The following SYN3 variants were observed in gnomAD, a reference collection of about 807,000 sequenced individuals.
The protein encoded by SYN3 is synapsin-3.
A neutral mutation model predicts 65.8 loss-of-function variants in SYN3; 35 were observed. The observed-to-expected ratio is 0.53, with a 90% CI of 0.41 to 0.70. The LOEUF is 0.70. Ranked by LOEUF, SYN3 falls within the 30% of genes least tolerant of loss-of-function variation. The pLI, the probability that SYN3 is intolerant of heterozygous loss-of-function variation, is 0.00. For synonymous variants in SYN3, 270 were observed against 292.9 expected, an observed-to-expected ratio of 0.92 and a Z score of 0.80; for missense variants, 680 against 749.0, an observed-to-expected ratio of 0.91 and a Z score of 1.08.
intron 6 of SYN3, among the ~76,000 whole-genome samples, chr22:32,650,259 C>CTCTCTCTT (rs2060048573): frequency 1.2e-5 from 1 of 82,952 alleles, no homozygotes; most frequent in Non-Finnish European, 2.1e-5. Flanking sequence ...CCCTCCCTCC[C>CTCTCTCTT]TCTCTCTCTC....
intron 4 of SYN3, 31 bp downstream of exon 4, chr22:32,931,359 A>C (rs761801056): frequency 6.8e-7 from 1 of 1,470,014 alleles, no homozygotes; most frequent in East Asian, 2.3e-5. Context: ...TGCAATTCTC[A>C]GAAGGTTCTG....
intron 4 of SYN3, among the ~76,000 whole-genome samples, chr22:32,904,286 G>C (rs2049842175): frequency 6.6e-6 from 1 of 152,218 alleles, no homozygotes; most frequent in South Asian, 2.1e-4. Context: ...CTGCAATATG[G>C]CTCTGCGAGG....
chr22:32,940,742 T>C (rs751449107), intron 3 of SYN3, among the ~76,000 whole-genome samples: 31 of 152,226 alleles, frequency 2.0e-4, no homozygotes, highest in Admixed American at 4.6e-4. Context: ...CTGTTTCAAG[T>C]TGTCACAATT....
intron 4 of SYN3, among the ~76,000 whole-genome samples, chr22:32,877,458 C>T (rs2146394828): frequency 6.6e-6 from 1 of 152,308 alleles, no homozygotes; most frequent in African/African-American, 2.4e-5. Context: ...GCACTGTGGA[C>T]ATTTTCAGGC....
At chr22:32,715,199 T>C (rs2061020417) in intron 6 of SYN3, among the ~76,000 whole-genome samples, 1 of 152,246 alleles carries the variant, frequency 6.6e-6, no homozygotes, top group Admixed American at 6.5e-5. Context: ...ACTATCACCC[T>C]GGCCAAGTCC....
chr22:32,633,500 C>T (rs992124907), intron 6 of SYN3, among the ~76,000 whole-genome samples: 5 of 152,272 alleles, frequency 3.3e-5, no homozygotes, highest in African/African-American at 4.8e-5. Context: ...GTTGGTCCTA[C>T]GTGCGTAGGC....
At chr22:33,026,536 C>T (rs1941775923) in intron 1 of SYN3, among the ~76,000 whole-genome samples, 1 of 152,178 alleles carries the variant, frequency 6.6e-6, no homozygotes, top group Non-Finnish European at 1.5e-5. Flanking sequence ...AATACAGTAT[C>T]TGACTGAACC....
intron 2 of SYN3, among the ~76,000 whole-genome samples, chr22:32,993,751 C>T (rs920197664): frequency 3.3e-5 from 5 of 152,180 alleles, no homozygotes; most frequent in Admixed American, 6.5e-5. Context: ...GGGGGCCATG[C>T]TCCTAGGCCA....
chr22:32,575,865 C>G (rs1255350992), intron 7 of SYN3, among the ~76,000 whole-genome samples: 1 of 151,792 alleles, frequency 6.6e-6, no homozygotes, highest in Non-Finnish European at 1.5e-5. Flanking sequence ...CCCTTCTTTC[C>G]TCAAGACAAA....
At chr22:32,834,013 T>A (rs1160404723) in intron 6 of SYN3, among the ~76,000 whole-genome samples, 1 of 152,192 alleles carries the variant, frequency 6.6e-6, no homozygotes, top group Non-Finnish European at 1.5e-5. Context: ...TGACCAAATG[T>A]GTTCATCCCT....
intron 4 of SYN3, among the ~76,000 whole-genome samples, chr22:32,873,041 C>A (rs1461560836): frequency 6.6e-6 from 1 of 151,486 alleles, no homozygotes; most frequent in Non-Finnish European, 1.5e-5. Flanking sequence ...ATCTCCACCT[C>A]CCAGGTTCAG....
intron 6 of SYN3, among the ~76,000 whole-genome samples, chr22:32,701,640 G>A (rs1377080342): frequency 6.6e-6 from 1 of 152,110 alleles, no homozygotes; most frequent in Non-Finnish European, 1.5e-5. Context: ...TATCTGAAAT[G>A]AAAAATACAT....
At chr22:32,901,219 G>T (rs974494794) in intron 4 of SYN3, among the ~76,000 whole-genome samples, 15 of 152,216 alleles carry the variant, frequency 9.9e-5, no homozygotes, top group African/African-American at 3.4e-4. Context: ...CACATTTCTG[G>T]TATAGATAAG....
chr22:33,014,085 A>AAAT (rs1279986878), intron 1 of SYN3, among the ~76,000 whole-genome samples: 4 of 151,834 alleles, frequency 2.6e-5, no homozygotes, highest in Admixed American at 2.6e-4. Flanking sequence ...AAAAAAAAAA[A>AAAT]AAAAAAAAAT....
intron 2 of SYN3, among the ~76,000 whole-genome samples, chr22:32,984,442 G>A (rs962462829): frequency 2.0e-5 from 3 of 152,136 alleles, no homozygotes; most frequent in Non-Finnish European, 2.9e-5. Context: ...CCCAGACCAC[G>A]TGGCCAAGCT....
chr22:33,035,853 G>A (rs1165687823), intron 1 of SYN3, among the ~76,000 whole-genome samples: 1 of 152,136 alleles, frequency 6.6e-6, no homozygotes, highest in Non-Finnish European at 1.5e-5. Context: ...AAAGTGTTGG[G>A]ATTACAGGCA....
At chr22:32,681,152 T>A (rs947647756) in intron 6 of SYN3, among the ~76,000 whole-genome samples, 13 of 151,662 alleles carry the variant, frequency 8.6e-5, no homozygotes, top group African/African-American at 3.2e-4. Flanking sequence ...GGTGGCAGAG[T>A]CGACAGGGGT....
rs1362115043 is a variant in SYN3 at position 32,801,919 on chromosome 22, G to C, written c.711+62996C>G. 4 of 1,473,006 alleles carry C rather than the reference G, an allele frequency of 2.7e-6. No individual in the cohort carries two copies. The highest frequency in any genetic ancestry group is 1.5e-5 in the African/African-American group (1 of 67,944). The allele number at this position is 1,473,006 out of a possible 1,614,324, so 91.2% of individuals were successfully genotyped here. On this transcript the variant is annotated intron_variant, in intron 6 of 13. Coordinates refer to ENST00000358763, the MANE Select transcript of SYN3 (RefSeq NM_003490.4). This position sits in a 1 kb window ranked among gnomAD's most constrained non-coding sequence, Gnocchi z 4.7. The stretch of plus-strand genomic sequence containing the variant: ...CACGGCCCGGCGGGCGAGCGAGCTC[G>C]GGCTGCAGCAGCCCCGCCGGCGGCG...
chr22:32,795,991 G>A (rs888426300), intron 6 of SYN3, among the ~76,000 whole-genome samples: 1 of 152,174 alleles, frequency 6.6e-6, no homozygotes, highest in Non-Finnish European at 1.5e-5. Flanking sequence ...AGGCATGACA[G>A]CACCTGGCTG....
Sources: gnomAD v4.1 joint callset for allele counts (sites outside exome capture counted in the v4.1 genomes callset) on GRCh38, gnomAD v4.1.1 for gene constraint, Gnocchi (gnomAD v3.1) non-coding constraint, MANE v1.5 for transcripts, NCBI Gene and HGNC (gene_info 2026-07-23, HGNC 2026-07-21) for gene names.